The following MRPS22 variants were observed in gnomAD, a reference collection of about 807,000 sequenced individuals.
MRPS22 encodes the protein small ribosomal subunit protein mS22.
In MRPS22, 30 loss-of-function variants were observed where a neutral mutation model predicts 44.0. That is an observed-to-expected ratio of 0.68 (90% confidence interval 0.51 to 0.93). The LOEUF (loss-of-function observed/expected upper bound fraction) is 0.93, where lower values mean the gene tolerates loss of function less well. Ranked by LOEUF, MRPS22 falls within the 40% of genes least tolerant of loss-of-function variation. The pLI is 0.00. For missense variants in MRPS22, 447 were observed against 447.8 expected (o/e 1.00, Z 0.02); for synonymous variants, 165 against 154.4 (o/e 1.07, Z -0.51).
rs766913051 is a variant in MRPS22 at position 139,344,066 on chromosome 3, T to TA, written c.40_41insA (p.Leu14TyrfsTer49). The TA allele has an allele frequency of 7.4e-6, 12 of 1,614,198 alleles. No homozygotes were observed. The highest frequency in any genetic ancestry group is 1.6e-4 in the Middle Eastern group (1 of 6,062). On this transcript the variant is annotated frameshift_variant, in exon 1 of 8. Coordinates refer to ENST00000680020, the MANE Select transcript of MRPS22 (RefSeq NM_020191.4). LOFTEE classifies it high-confidence loss of function. ...AACAACTGTATTGCTGTGGAGCCTC[T>TA]TGAGGAGTTCTCCGGGCGTGGAACG...
At chr3:139,355,453 TC>T (rs1202770616) in intron 6 of MRPS22, 4 of 565,920 alleles carry the variant, frequency 7.1e-6, no homozygotes, top group Non-Finnish European at 1.3e-5. Flanking sequence ...ATTGGACACT[TC>T]CTGCAGTGAC....
Position 139,356,962 on chromosome 3 carries a change from T to C in MRPS22, c.1031T>C (p.Leu344Pro). The change falls in exon 8 of 8, where the codon CTA becomes CCA. Residue 344 changes from leucine to proline, a missense_variant. Coordinates refer to ENST00000680020, the MANE Select transcript of MRPS22 (RefSeq NM_020191.4). ...TEAQKGAYIELTLQTYQEALS... is the reference protein window; with the variant it reads ...TEAQKGAYIEPTLQTYQEALS... The stretch of plus-strand genomic sequence containing the variant: ...GCACAGAAGGGAGCCTATATAGAAC[T>C]AACACTGCAGACTTATCAAGAAGCA... 1.2e-6 allele frequency: 2 copies of C among 1,613,214 alleles called. No homozygotes were observed. Among genetic ancestry groups the C allele is most frequent in the African/African-American group, 1.3e-5 (1 of 75,042 alleles).
chr3:139,350,867 TGAG>T, intron 4 of MRPS22, 107 bp from the exon 5 acceptor site: 9 of 826,916 alleles, frequency 1.1e-5, no homozygotes, highest in Non-Finnish European at 1.5e-5. Flanking sequence ...TTATGCTTCT[TGAG>T]GAGCACAGAG....
chr3:139,356,545 G>A (rs778592365), intron 7 of MRPS22, among the ~76,000 whole-genome samples: 5 of 152,164 alleles, frequency 3.3e-5, no homozygotes, highest in Non-Finnish European at 5.9e-5. Context: ...CTGATAAAGC[G>A]CAATGTTTTT....
chr3:139,352,839 C>T (rs780462576), intron 6 of MRPS22, 47 bp downstream of exon 6: 4 of 1,580,000 alleles, frequency 2.5e-6, no homozygotes, highest in Non-Finnish European at 8.7e-7. Flanking sequence ...ATTGCTCTAA[C>T]AGTTCATCTG....
intron 5 of MRPS22, chr3:139,351,321 C>T (rs1050545486): frequency 8.7e-6 from 4 of 457,824 alleles, no homozygotes; most frequent in African/African-American, 8.0e-5. Flanking sequence ...GGGTTAGGAC[C>T]CAAGTTTGAT....
In MRPS22 at chr3:139,346,801, T is replaced by C. The variant is rs747413645; in HGVS notation, c.173-77T>C. The C allele has an allele frequency of 2.0e-6, 3 of 1,492,902 alleles. No homozygotes were observed. The Admixed American group carries it at 5.1e-5, about 25-fold the overall frequency. 92.5% of individuals were successfully genotyped at this position (1,492,902 alleles called of 1,614,324 possible). On this transcript the variant is annotated intron_variant, in intron 1 of 7. Coordinates refer to ENST00000680020, the MANE Select transcript of MRPS22 (RefSeq NM_020191.4). ...GACATTGTGCTAATGCTTTTTATTG[T>C]TAACTGACTTTTCTATTTAGAGGTC...
intron 1 of MRPS22, chr3:139,344,745 C>T (rs1941006536): frequency 1.4e-6 from 1 of 690,448 alleles, no homozygotes; most frequent in Non-Finnish European, 2.6e-6. Flanking sequence ...TTGATTAAGG[C>T]TTTGGATATG....
chr3:139,356,832 A>G, intron 7 of MRPS22, 87 bp from the exon 8 acceptor site: 2 of 955,180 alleles, frequency 2.1e-6, no homozygotes, highest in Middle Eastern at 3.2e-4. Context: ...TTGCTACTAC[A>G]GAAATGCTAA....
At chr3:139,346,682 C>T (rs1228259621) in intron 1 of MRPS22, among the ~76,000 whole-genome samples, 196 bp from the exon 2 acceptor site, 1 of 152,242 alleles carries the variant, frequency 6.6e-6, no homozygotes, top group East Asian at 1.9e-4. Context: ...GAGACCGAGT[C>T]TATCTCCTCA....
chr3:139,344,267 A>G (rs1576360282), intron 1 of MRPS22, 69 bp downstream of exon 1: 1 of 1,510,598 alleles, frequency 6.6e-7, no homozygotes, highest in Non-Finnish European at 8.9e-7. Flanking sequence ...CTGGCAGGCG[A>G]AAACCACGCG....
intron 1 of MRPS22, among the ~76,000 whole-genome samples, chr3:139,346,101 C>T (rs1941034497): frequency 6.6e-6 from 1 of 152,154 alleles, no homozygotes; most frequent in African/African-American, 2.4e-5. Flanking sequence ...AGATTTGATT[C>T]TCTGCTTATG....
rs563794268 is a variant in MRPS22, at chr3:139,355,884, T to A, written c.987+94T>A. 2.0e-5 allele frequency: 17 copies of A among 865,590 alleles called. 1 individual carries two copies. In the South Asian group the frequency reaches 2.4e-4, roughly 12 times the overall value. 53.6% of individuals were successfully genotyped at this position (865,590 alleles called of 1,614,324 possible). On this transcript the variant is annotated intron_variant, in intron 7 of 7. Transcript: ENST00000680020. The stretch of plus-strand genomic sequence containing the variant: ...CATAATTAATGGTAACTAAACAGAT[T>A]TGTGAATATGGGACATCTGTGGTCT...
chr3:139,348,853 T>C (rs1161989259), intron 3 of MRPS22, among the ~76,000 whole-genome samples: 1 of 151,754 alleles, frequency 6.6e-6, no homozygotes, highest in Admixed American at 6.6e-5. Flanking sequence ...GTGATTGTTA[T>C]TCTCTGGCTC....
chr3:139,350,900 C>G, intron 4 of MRPS22, 77 bp from the exon 5 acceptor site: 1 of 1,117,606 alleles, frequency 8.9e-7, no homozygotes, highest in Non-Finnish European at 1.4e-6. Context: ...TGTGGGTGGG[C>G]AGGCCTGTCA....
chr3:139,348,823 G>T (rs1266877870), intron 3 of MRPS22, among the ~76,000 whole-genome samples: 2 of 152,162 alleles, frequency 1.3e-5, no homozygotes, highest in Non-Finnish European at 2.9e-5. Context: ...TAATTTTCAG[G>T]CATCACCACT....
intron 6 of MRPS22, among the ~76,000 whole-genome samples, chr3:139,353,323 C>T (rs554538495): frequency 6.6e-6 from 1 of 152,262 alleles, no homozygotes; most frequent in African/African-American, 2.4e-5. Context: ...CTGGTGTGCT[C>T]CCAGGCTTCT....
At position 139,352,680 on chromosome 3, in the gene MRPS22, C is replaced by T. The variant is rs367924368; in HGVS notation, c.766C>T (p.Arg256Cys). Residue 256 changes from arginine (R) to cysteine (C), a missense_variant, in exon 6 of 8, where the codon CGT (arginine) becomes TGT (cysteine). Arg to Cys is a radical substitution (Grantham distance 180). Coordinates refer to ENST00000680020, the MANE Select transcript of MRPS22 (RefSeq NM_020191.4). ...HHKTYEDIDK[R>C]GKYDLLRSTR... ...CAAGACCTATGAAGATATAGATAAA[C>T]GTGGAAAATATGACCTTTTACGTTC... 2.4e-5 allele frequency: 39 copies of T among 1,613,036 alleles called. No individual in the cohort carries two copies. The highest frequency in any genetic ancestry group is 1.3e-4 in the African/African-American group (10 of 74,880).
At chr3:139,344,421 C>T in intron 1 of MRPS22, 1 of 633,894 alleles carries the variant, frequency 1.6e-6, no homozygotes, top group Non-Finnish European at 2.8e-6. Context: ...GTGCAGAGCA[C>T]TGTGCTAAGC....
Sources: allele counts gnomAD v4.1 joint callset (sites outside exome capture counted in the v4.1 genomes callset), GRCh38; gene constraint gnomAD v4.1.1; transcripts MANE v1.5; gene names NCBI Gene and HGNC (gene_info 2026-07-23, HGNC 2026-07-21).